The following NRXN3 variants were observed in gnomAD, a reference collection of about 807,000 sequenced individuals.
NRXN3 encodes neurexin 3.
NRXN3 carries 32 observed loss-of-function variants against 137.6 expected under a neutral mutation model. The ratio of observed to expected loss-of-function variants is 0.23; its 90% CI spans 0.18 to 0.31. NRXN3 has a LOEUF of 0.31. Ranked by LOEUF, NRXN3 falls within the 10% of genes least tolerant of loss-of-function variation. The pLI is 1.00. For synonymous variants in NRXN3, 798 were observed against 784.5 expected, an observed-to-expected ratio of 1.02 and a Z score of -0.29; for missense variants, 1,574 against 2,062.5, an observed-to-expected ratio of 0.76 and a Z score of 4.59.
At chr14:79,188,765 A>C (rs1157738338) in intron 15 of NRXN3, among the ~76,000 whole-genome samples, 2 of 152,240 alleles carry the variant, frequency 1.3e-5, no homozygotes, top group Non-Finnish European at 2.9e-5. Flanking sequence ...ACATTTATGC[A>C]GCCAAAAAAC....
chr14:78,524,069 C>G (rs1299569237), intron 4 of NRXN3, among the ~76,000 whole-genome samples: 1 of 152,254 alleles, frequency 6.6e-6, no homozygotes, highest in Admixed American at 6.5e-5. Flanking sequence ...TTGTTATTAT[C>G]ACAAAGTATG....
intron 4 of NRXN3, among the ~76,000 whole-genome samples, chr14:78,474,507 A>ATTATGCAGTGGTAGCT (rs67038901): frequency 6.6e-6 from 1 of 152,136 alleles, no homozygotes; most frequent in Non-Finnish European, 1.5e-5. Flanking sequence ...GGCTCAACTT[A>ATTATGCAGTGGTAGCT]TCAAGTTATG....
intron 6 of NRXN3, among the ~76,000 whole-genome samples, chr14:78,670,278 G>A (rs2097922564): frequency 6.6e-6 from 1 of 152,150 alleles, no homozygotes; most frequent in Non-Finnish European, 1.5e-5. Flanking sequence ...CATCTGCGTT[G>A]GTTCCAAGTC....
intron 10 of NRXN3, among the ~76,000 whole-genome samples, chr14:78,847,945 T>A (rs1247626869): frequency 6.6e-6 from 1 of 152,074 alleles, no homozygotes; most frequent in African/African-American, 2.4e-5. Flanking sequence ...TCTTTTCACA[T>A]GGGAAAGGAA....
intron 10 of NRXN3, among the ~76,000 whole-genome samples, chr14:78,914,849 CG>C (rs915403380): frequency 2.0e-5 from 3 of 151,698 alleles, no homozygotes; most frequent in Admixed American, 6.6e-5. Context: ...AAGGGGGCAA[CG>C]GGAGGTGCAG....
rs1354319494 is a variant in NRXN3 at position 79,663,960 on chromosome 14, T to A, written c.3616+11T>A. On this transcript the variant is annotated intron_variant, in intron 17 of 20. Coordinates refer to ENST00000335750, the MANE Select transcript of NRXN3 (RefSeq NM_001330195.2). ...AACATTATCCTACAGGTACATGTTG[T>A]TCGCTCAATGGTCCTACTCTTTTTG... is the stretch of plus-strand genomic sequence containing the variant. 6 of 1,612,878 alleles carry A rather than the reference T, an allele frequency of 3.7e-6. No individual in the cohort carries two copies. The highest frequency in any genetic ancestry group is 3.4e-6 in the Non-Finnish European group (4 of 1,179,252).
At position 78,298,421 on chromosome 14, in the gene NRXN3, C is replaced by T. The variant is rs370478387; in HGVS notation, c.757+561C>T. ...ACCACCTAAAGAACATGCTAATGTC[C>T]TCATGGCAGAATACTAACTCATTAT... On this transcript the variant is annotated intron_variant, in intron 4 of 20. Transcript: ENST00000335750. Among the ~76,000 whole-genome samples, 25 of 152,300 alleles carry T rather than the reference C, an allele frequency of 1.6e-4. No homozygotes were observed. In the East Asian group the frequency reaches 3.1e-3, roughly 19 times the overall value.
Position 79,281,311 on chromosome 14 carries a change from T to G in NRXN3, c.3263-185910T>G, listed in dbSNP as rs532623465. Among the ~76,000 whole-genome samples, 7 of 152,258 alleles carry G rather than the reference T, an allele frequency of 4.6e-5. No individual in the cohort carries two copies. In the East Asian group the frequency reaches 1.4e-3, roughly 30 times the overall value. ...CTTTAGGTAGCAGAGATGGGCTTGTTCACACAATACAGGTACGATGGGTTT... is the reference window on the plus strand; with the variant it reads ...CTTTAGGTAGCAGAGATGGGCTTGTGCACACAATACAGGTACGATGGGTTT... On this transcript the variant is annotated intron_variant, in intron 15 of 20. Transcript: ENST00000335750.
intron 15 of NRXN3, among the ~76,000 whole-genome samples, chr14:79,063,241 G>T (rs1300084952): frequency 6.6e-6 from 1 of 152,100 alleles, no homozygotes. Flanking sequence ...TAAGGGTGAG[G>T]TTAGGCAAGC....
chr14:78,670,378 G>A (rs2097923459), intron 6 of NRXN3, among the ~76,000 whole-genome samples: 1 of 152,100 alleles, frequency 6.6e-6, no homozygotes, highest in African/African-American at 2.4e-5. Context: ...ATATTGGCCG[G>A]CTTCTTTACC....
chr14:79,708,961 CTTA>C (rs1354727283), intron 19 of NRXN3, among the ~76,000 whole-genome samples: 1 of 151,814 alleles, frequency 6.6e-6, no homozygotes, highest in Non-Finnish European at 1.5e-5. Flanking sequence ...CTGGCCCCAT[CTTA>C]TTATGTGTGT....
intron 15 of NRXN3, among the ~76,000 whole-genome samples, chr14:79,335,990 G>A (rs556729920): frequency 6.6e-6 from 1 of 152,112 alleles, no homozygotes; most frequent in East Asian, 1.9e-4. Context: ...CTACTTATAT[G>A]CTCCACATCT....
At chr14:79,095,228 G>GC in intron 15 of NRXN3, among the ~76,000 whole-genome samples, 1 of 152,270 alleles carries the variant, frequency 6.6e-6, no homozygotes, top group East Asian at 1.9e-4. Flanking sequence ...GGTATCTACA[G>GC]TGAGCTTTTA....
intron 15 of NRXN3, among the ~76,000 whole-genome samples, chr14:79,043,530 C>A (rs889549068): frequency 6.6e-6 from 1 of 152,062 alleles, no homozygotes; most frequent in African/African-American, 2.4e-5. Context: ...ACCCAATTTC[C>A]CCAAATTCTT....
At chr14:78,191,130 A>C (rs950593403) in intron 1 of NRXN3, among the ~76,000 whole-genome samples, 2 of 152,196 alleles carry the variant, frequency 1.3e-5, no homozygotes, top group African/African-American at 2.4e-5. Flanking sequence ...CTGTAAAACC[A>C]GAAGAACTGT....
Position 78,739,534 on chromosome 14 carries a change from C to T in NRXN3, c.2044+24395C>T, listed in dbSNP as rs80283315. Among the ~76,000 whole-genome samples, 1,079 of 152,248 alleles carry T rather than the reference C, an allele frequency of 7.1e-3. 14 individuals carry two copies. Among genetic ancestry groups the T allele is most frequent in the African/African-American group, 0.024 (1,000 of 41,560 alleles). On this transcript the variant is annotated intron_variant, in intron 8 of 20. Transcript: ENST00000335750. ...TTGATGCGGCTGGAGTAAAATGGCG[C>T]GATCTTGGCTCACTGAAACCTCCGC... is the stretch of plus-strand genomic sequence containing the variant.
intron 6 of NRXN3, among the ~76,000 whole-genome samples, chr14:78,685,228 C>A (rs1162871758): frequency 6.6e-6 from 1 of 152,188 alleles, no homozygotes; most frequent in Non-Finnish European, 1.5e-5. Context: ...AATGCTTTCT[C>A]TGTTTCTGTT....
rs374434249 is a variant in NRXN3 at position 78,344,349 on chromosome 14, G to A, written c.757+46489G>A. 2.2e-4 allele frequency among the ~76,000 whole-genome samples: 33 copies of A among 152,298 alleles called. No homozygotes were observed. The East Asian group carries it at 5.6e-3, about 26-fold the overall frequency. On this transcript the variant is annotated intron_variant, in intron 4 of 20. Coordinates refer to ENST00000335750, the MANE Select transcript of NRXN3 (RefSeq NM_001330195.2). Reference sequence around the variant, plus strand: ...CAACCAATGAGGGCCCACAAATAAAGCAGTCAGCATTTACCTCCAGCAACT... The same window carrying A: ...CAACCAATGAGGGCCCACAAATAAAACAGTCAGCATTTACCTCCAGCAACT...
chr14:79,679,614 A>G (rs1001401096), intron 17 of NRXN3, among the ~76,000 whole-genome samples: 2 of 152,124 alleles, frequency 1.3e-5, no homozygotes, highest in African/African-American at 4.8e-5. Flanking sequence ...TTGTGTGTTA[A>G]GGAGGGAATT....
Sources: gnomAD v4.1 joint callset for allele counts (sites outside exome capture counted in the v4.1 genomes callset) on GRCh38, gnomAD v4.1.1 for gene constraint, MANE v1.5 for transcripts, NCBI Gene and HGNC (gene_info 2026-07-23, HGNC 2026-07-21) for gene names.